PRKX: variants seen among roughly 807,000 people sequenced by gnomAD.
The protein encoded by PRKX is protein kinase cAMP-dependent X-linked catalytic subunit.
PRKX carries 12 observed loss-of-function variants against 22.0 expected under a neutral mutation model. That is an observed-to-expected ratio of 0.54 (90% CI 0.35 to 0.88). PRKX has a LOEUF of 0.88. Among genes scored for constraint, PRKX ranks in the 40% least tolerant of loss-of-function variants. PRKX has a pLI of 0.01. For synonymous variants in PRKX, 134 were observed against 137.7 expected, an observed-to-expected ratio of 0.97 and a Z score of 0.19; for missense variants, 217 against 308.0, an observed-to-expected ratio of 0.70 and a Z score of 2.21.
chrX:3,627,785 T>C lies in PRKX; in HGVS notation c.720-1271A>G, dbSNP rs140900733. Reference sequence around the variant, plus strand: ...GGCCAAAAAGGGAACTCTTACGCAATGTTGGTGGGAACGTAAACTAGTAGA... The same window carrying C: ...GGCCAAAAAGGGAACTCTTACGCAACGTTGGTGGGAACGTAAACTAGTAGA... On this transcript the variant is annotated intron_variant, in intron 4 of 8. Coordinates refer to ENST00000262848, the MANE Select transcript of PRKX (RefSeq NM_005044.5). Among the ~76,000 whole-genome samples, 509 of 111,150 alleles carry C rather than the reference T, an allele frequency of 4.6e-3. 1 individual carries two copies. The highest frequency in any genetic ancestry group is 9.3e-3 in the Middle Eastern group (2 of 216).
At chrX:3,665,095 T>C (rs1007463726) in intron 2 of PRKX, among the ~76,000 whole-genome samples, 33 of 110,459 alleles carry the variant, frequency 3.0e-4, no homozygotes, top group African/African-American at 3.9e-4. Context: ...GGCGCGCGCG[T>C]GTGTGTGTGT....
At chrX:3,700,886 A>G (rs746556189) in intron 1 of PRKX, among the ~76,000 whole-genome samples, 2 of 111,405 alleles carry the variant, frequency 1.8e-5, no homozygotes, top group Non-Finnish European at 3.8e-5. Context: ...ACAGGTGTTC[A>G]GCCACCAAGC....
At chrX:3,617,751 TG>T (rs1004430466) in intron 6 of PRKX, among the ~76,000 whole-genome samples, 1 of 111,117 alleles carries the variant, frequency 9.0e-6, no homozygotes, top group Non-Finnish European at 1.9e-5. Context: ...GTGTTGCTCC[TG>T]TAAGATTATA....
chrX:3,665,779 A>G (rs1165854218), intron 2 of PRKX, among the ~76,000 whole-genome samples: 2 of 110,948 alleles, frequency 1.8e-5, no homozygotes, highest in Admixed American at 9.7e-5. Context: ...GATTCTGCCT[A>G]TATAAGGCTC....
At position 3,607,124 on chromosome X, in the gene PRKX, G is replaced by C. The variant is rs2146550906; in HGVS notation, c.*1845C>G. The stretch of plus-strand genomic sequence containing the variant: ...AAGTGTGCTCAAGTGTTTCATTTAT[G>C]GTTTTATTAATAATTTTTAAAGTAG... On this transcript the variant is annotated 3_prime_UTR_variant, in exon 9 of 9. Transcript: ENST00000262848. The C allele has an allele frequency of 9.0e-6, 1 of 111,608 alleles. No individual in the cohort carries two copies. Among genetic ancestry groups the C allele is most frequent in the African/African-American group, 3.3e-5 (1 of 30,768 alleles). 9.2% of individuals were successfully genotyped at this position (111,608 alleles called of 1,213,427 possible).
intron 2 of PRKX, 143 bp from the exon 3 acceptor site, chrX:3,655,555 G>T: frequency 1.5e-6 from 1 of 658,761 alleles, no homozygotes; most frequent in Non-Finnish European, 2.3e-6. Context: ...CAGATGTCGG[G>T]ACATGGAGCA....
chrX:3,680,578 A>T (rs1444300815), intron 1 of PRKX, among the ~76,000 whole-genome samples: 1 of 112,362 alleles, frequency 8.9e-6, no homozygotes, highest in African/African-American at 3.2e-5. Flanking sequence ...CCACCCAAAT[A>T]CAGGCATGTG....
chrX:3,617,929 A>G (rs1926465662), intron 6 of PRKX, among the ~76,000 whole-genome samples: 1 of 106,306 alleles, frequency 9.4e-6, no homozygotes, highest in South Asian at 4.2e-4. Flanking sequence ...TGGTTTATCT[A>G]TTTACTATAC....
chrX:3,693,208 A>G (rs1307448234), intron 1 of PRKX, among the ~76,000 whole-genome samples: 1 of 111,607 alleles, frequency 9.0e-6, no homozygotes, highest in Non-Finnish European at 1.9e-5. Flanking sequence ...GTTTGTTCAG[A>G]CTTGAGGACT....
rs1433691968 is a variant in PRKX at position 3,615,839 on chromosome X, T to C, written c.927A>G (p.Glu309=). ...HHRWFRSVDW[E]AVPQRKLKPP... ...CCTTCAGTTTTCTCTGCGGAACAGC[T>C]TCCCAGTCCACGGAGCGGAACCACC... The change falls in exon 7 of 9, where the codon GAA becomes GAG. Residue 309 remains glutamate, a synonymous_variant. Transcript: ENST00000262848. 2 of 1,207,315 alleles carry C rather than the reference T, an allele frequency of 1.7e-6. No individual in the cohort carries two copies. Among genetic ancestry groups the C allele is most frequent in the Admixed American group, 4.4e-5 (2 of 45,619 alleles).
chrX:3,666,777 G>T (rs373082039), intron 2 of PRKX, among the ~76,000 whole-genome samples: 1 of 108,345 alleles, frequency 9.2e-6, no homozygotes, highest in African/African-American at 3.4e-5. Context: ...GCGTGGTAGT[G>T]CGCACCTGTA....
intron 3 of PRKX, among the ~76,000 whole-genome samples, chrX:3,654,376 A>G (rs1242012699): frequency 9.8e-6 from 1 of 102,420 alleles, no homozygotes; most frequent in Non-Finnish European, 2.0e-5. Context: ...GGAAATATAT[A>G]TATACATAAT....
chrX:3,686,196 A>T (rs192109376), intron 1 of PRKX, among the ~76,000 whole-genome samples: 1 of 111,775 alleles, frequency 8.9e-6, no homozygotes, highest in East Asian at 2.8e-4. Flanking sequence ...CACACCAGTA[A>T]GTGGGGGCTG....
chrX:3,652,218 A>G (rs2146581077), intron 3 of PRKX, among the ~76,000 whole-genome samples: 1 of 110,579 alleles, frequency 9.0e-6, no homozygotes, highest in East Asian at 2.8e-4. Context: ...GGAGATTGAG[A>G]CCATCCTGGC....
chrX:3,685,069 A>T (rs7061555), intron 1 of PRKX, among the ~76,000 whole-genome samples: 17,296 of 110,268 alleles, frequency 0.16, 1,094 homozygotes, highest in East Asian at 0.39. Flanking sequence ...CGCCTGCCTC[A>T]GCCTCTCAAA....
At chrX:3,693,346 C>T (rs1306147456) in intron 1 of PRKX, among the ~76,000 whole-genome samples, 2 of 110,982 alleles carry the variant, frequency 1.8e-5, no homozygotes, top group Non-Finnish European at 3.8e-5. Flanking sequence ...GGGTTAAAGT[C>T]CTGTTCATAA....
chrX:3,677,185 G>C (rs1410451461), intron 1 of PRKX, among the ~76,000 whole-genome samples: 1 of 111,054 alleles, frequency 9.0e-6, no homozygotes, highest in African/African-American at 3.3e-5. Context: ...AAACCATGGA[G>C]ATCTACCATA....
In PRKX at chrX:3,713,215, C is replaced by T; in HGVS notation, c.39G>A (p.Glu13=). 1 of 1,075,654 alleles carries T rather than the reference C, an allele frequency of 9.3e-7. No homozygotes were observed. The highest frequency in any genetic ancestry group is 2.4e-5 in the South Asian group (1 of 41,314). The allele number at this position is 1,075,654 out of a possible 1,213,427, so 88.6% of individuals were successfully genotyped here. A position where few individuals can be genotyped will look rare whatever the true frequency, so the allele number is the denominator to read the frequency against. ...CCTCCGCCACCTTGCGGGAGTCGCTCTCCGCCGCGGCCGCCTGGGCCAGCC... is the reference window on the plus strand; with the variant it reads ...CCTCCGCCACCTTGCGGGAGTCGCTTTCCGCCGCGGCCGCCTGGGCCAGCC... The part of the protein sequence containing the change: ...APGLAQAAAA[E]SDSRKVAEET... Residue 13 remains glutamate, a synonymous_variant, in exon 1 of 9, where the codon GAG becomes GAA. Transcript: ENST00000262848.
At position 3,641,866 on chromosome X, in the gene PRKX, G is replaced by A. The variant is rs1427166972; in HGVS notation, c.705C>T (p.Phe235=). Reference sequence around the variant, plus strand: ...ACTCTACTTACCCCGAAAGCATCTCGAATATCAGGATGCCGAGGGCCCACC... The same window carrying A: ...ACTCTACTTACCCCGAAAGCATCTCAAATATCAGGATGCCGAGGGCCCACC... ...VDWWALGILI[F]EMLSGFPPFF... is the part of the protein sequence containing the mutation. Residue 235 remains phenylalanine (F), a synonymous_variant, in exon 4 of 9, where the codon TTC becomes TTT. Coordinates refer to ENST00000262848, the MANE Select transcript of PRKX (RefSeq NM_005044.5). 2.0e-6 allele frequency: 1 copy of A among 501,628 alleles called. No homozygotes were observed. The highest frequency in any genetic ancestry group is 3.7e-5 in the East Asian group (1 of 26,786). 41.3% of individuals were successfully genotyped at this position (501,628 alleles called of 1,213,427 possible). A position where few individuals can be genotyped will look rare whatever the true frequency, so the allele number is the denominator to read the frequency against.
Sources: allele counts gnomAD v4.1 joint callset (sites outside exome capture counted in the v4.1 genomes callset), GRCh38; gene constraint gnomAD v4.1.1; transcripts MANE v1.5; gene names NCBI Gene and HGNC (gene_info 2026-07-23, HGNC 2026-07-21).